Variants in TTN observed in about 807,000 individuals in gnomAD.
The protein encoded by TTN is connectin.
Under a neutral mutation model 3,223.0 loss-of-function variants are expected in TTN, and 1,525 were observed. That is an observed-to-expected ratio of 0.47 (90% CI 0.45 to 0.49). The LOEUF (loss-of-function observed/expected upper bound fraction) is 0.49, where lower values mean the gene tolerates loss of function less well. Among genes scored for constraint, TTN ranks in the 20% least tolerant of loss-of-function variants. TTN has a pLI of 0.00. For missense variants in TTN, 40,786 were observed against 43,424.0 expected, an observed-to-expected ratio of 0.94 and a Z score of 5.40; for synonymous variants, 14,094 against 15,161.0, an observed-to-expected ratio of 0.93 and a Z score of 5.17.
At position 178,630,256 on chromosome 2, in the gene TTN, G is replaced by T; in HGVS notation, c.44266C>A (p.His14756Asn). The part of the protein sequence containing the change: ...FQAANVKSSA[H>N]LRVKPRVIGL... ...CAATACTTACGCTTAACTCGGAGGTGGGCACTAGATTTAACATTGGCAGCT... is the reference window on the plus strand; with the variant it reads ...CAATACTTACGCTTAACTCGGAGGTTGGCACTAGATTTAACATTGGCAGCT... The change falls in exon 239 of 363, where the codon CAC (histidine) becomes AAC (asparagine). Residue 14756 changes from histidine to asparagine, a missense_variant. Coordinates refer to ENST00000589042, the MANE Select transcript of TTN (RefSeq NM_001267550.2). 6.2e-7 allele frequency: 1 copy of T among 1,612,978 alleles called. No individual in the cohort carries two copies. Among genetic ancestry groups the T allele is most frequent in the East Asian group, 2.2e-5 (1 of 44,756 alleles).
Position 178,561,858 on chromosome 2 carries a change from C to T in TTN, c.84274G>A (p.Val28092Ile). Reference sequence around the variant, plus strand: ...GTAGAGGTGGTTTCTTTCTTTTCAACAATGTAATTGCTAATTTGGCAGCCA... The same window carrying T: ...GTAGAGGTGGTTTCTTTCTTTTCAATAATGTAATTGCTAATTTGGCAGCCA... ...DGGCQISNYI[V>I]EKKETTSTTW... Residue 28092 changes from valine (V) to isoleucine (I), a missense_variant, in exon 326 of 363, where the codon GTT (valine) becomes ATT (isoleucine). Val to Ile is a conservative substitution (Grantham distance 29). Transcript: ENST00000589042. 6.2e-7 allele frequency: 1 copy of T among 1,613,618 alleles called. No individual in the cohort carries two copies. The highest frequency in any genetic ancestry group is 1.1e-5 in the South Asian group (1 of 91,074).
rs937165329 is a variant in TTN, at chr2:178,563,454, C to T, written c.82678G>A (p.Val27560Ile). 3 of 1,613,520 alleles carry T rather than the reference C, an allele frequency of 1.9e-6. No individual in the cohort carries two copies. The African/African-American group carries it at 4.0e-5, about 22-fold the overall frequency. ...AAGGCATCACACGCACGGTAGAAAA[C>T]AGATGGCTCACTAGGTTCTCCCACA... ...AGVGEPSEPSVFYRACDALYP... is the reference protein window; with the variant it reads ...AGVGEPSEPSIFYRACDALYP... The change falls in exon 326 of 363, where the codon GTT (valine) becomes ATT (isoleucine). Residue 27560 changes from valine to isoleucine, a missense_variant. Val to Ile is a conservative substitution (Grantham distance 29). Transcript: ENST00000589042. The surrounding 1 kb of genome is among the most constrained non-coding windows in gnomAD (Gnocchi z 4.5).
chr2:178,802,161 C>G lies in TTN; in HGVS notation c.272G>C (p.Ser91Thr). Residue 91 changes from serine to threonine, a missense_variant, in exon 3 of 363, where the codon AGT becomes ACT. By Grantham distance (58) the Ser-to-Thr change is moderately conservative (BLOSUM62 1). Transcript: ENST00000589042. The part of the protein sequence containing the change: ...KATNGSGQAT[S>T]TAELLVKAET... ...ACCTTTCACGAGAAGCTCAGCAGTA[C>G]TAGTCGCTTGTCCAGATCCATTGGT... The G allele has an allele frequency of 1.9e-6, 3 of 1,614,096 alleles. No homozygotes were observed. Among genetic ancestry groups the G allele is most frequent in the African/African-American group, 2.7e-5 (2 of 75,022 alleles).
In TTN at chr2:178,709,570, G is replaced by C. The variant is rs1219437440; in HGVS notation, c.28749C>G (p.Ile9583Met). 1 of 1,602,878 alleles carries C rather than the reference G, an allele frequency of 6.2e-7. No individual in the cohort carries two copies. The highest frequency in any genetic ancestry group is 8.5e-7 in the Non-Finnish European group (1 of 1,170,766). The stretch of plus-strand genomic sequence containing the variant: ...GGGGCTGTGAGGATAACTCACCTTT[G>C]ATGACGATTGAAGACGTGCACAGAG... ...GSALCTSSIV[I>M]KEPKKPPVFD... Residue 9583 changes from isoleucine (I) to methionine (M), a missense_variant, in exon 99 of 363, where the codon ATC (isoleucine) becomes ATG (methionine). Coordinates refer to ENST00000589042, the MANE Select transcript of TTN (RefSeq NM_001267550.2).
In TTN at chr2:178,565,068, T is replaced by A. The variant is rs1300719921; in HGVS notation, c.81064A>T (p.Met27022Leu). 6.2e-7 allele frequency: 1 copy of A among 1,613,684 alleles called. No individual in the cohort carries two copies. Among genetic ancestry groups the A allele is most frequent in the Non-Finnish European group, 8.5e-7 (1 of 1,179,682 alleles). ...GTTCTTGCAACTGTTGCTGATACCA[T>A]GTGCCAAGTGGTGGTGGTTGTATCT... Reference protein sequence around the residue: ...KRDTTTTTWHMVSATVARTTI... With the variant: ...KRDTTTTTWHLVSATVARTTI... The change falls in exon 326 of 363, where the codon ATG becomes TTG. Residue 27022 changes from methionine (M) to leucine (L), a missense_variant. Coordinates refer to ENST00000589042, the MANE Select transcript of TTN (RefSeq NM_001267550.2).
At chr2:178,778,744 G>T (rs1341755946) in intron 24 of TTN, 130 bp downstream of exon 24, 2 of 1,280,252 alleles carry the variant, frequency 1.6e-6, no homozygotes, top group Non-Finnish European at 2.2e-6. Flanking sequence ...GCAATTGTTG[G>T]TGTTGCCAAT....
chr2:178,712,368 T>C lies in TTN; in HGVS notation c.27554A>G (p.Tyr9185Cys), dbSNP rs1477423741. 6.2e-7 allele frequency: 1 copy of C among 1,613,842 alleles called. No individual in the cohort carries two copies. The highest frequency in any genetic ancestry group is 8.5e-7 in the Non-Finnish European group (1 of 1,179,800). Residue 9185 changes from tyrosine to cysteine, a missense_variant, in exon 95 of 363, where the codon TAC becomes TGC. Physicochemically the swap from Tyr to Cys is radical, Grantham distance 194 (BLOSUM62 -2). Transcript: ENST00000589042. The stretch of plus-strand genomic sequence containing the variant: ...ATCTTTTCCAGAGGCATTTTCAATG[T>C]AGCAGTTGTATTGTCCTGCATCCTC... The part of the protein sequence containing the change: ...TVEDAGQYNC[Y>C]IENASGKDSC...
In TTN at chr2:178,574,131, C is replaced by A; in HGVS notation, c.72001G>T (p.Ala24001Ser). ...CTGATGGCACCTGCAGCATTTTTGGCGATCACACGGAATTCATATGCAGCA... is the reference window on the plus strand; with the variant it reads ...CTGATGGCACCTGCAGCATTTTTGGAGATCACACGGAATTCATATGCAGCA... Reference protein sequence around the residue: ...EDAAYEFRVIAKNAAGAISPP... With the variant: ...EDAAYEFRVISKNAAGAISPP... The change falls in exon 326 of 363, where the codon GCC becomes TCC. Residue 24001 changes from alanine to serine, a missense_variant. Coordinates refer to ENST00000589042, the MANE Select transcript of TTN (RefSeq NM_001267550.2). 1 of 1,613,506 alleles carries A rather than the reference C, an allele frequency of 6.2e-7. No homozygotes were observed. The highest frequency in any genetic ancestry group is 8.5e-7 in the Non-Finnish European group (1 of 1,179,608).
intron 165 of TTN, 81 bp from the exon 166 acceptor site, chr2:178,665,007 A>G: frequency 6.9e-7 from 1 of 1,452,426 alleles, no homozygotes; most frequent in Non-Finnish European, 9.4e-7. Flanking sequence ...AGGAAATATA[A>G]CCACATTTTC....
chr2:178,721,054 G>A lies in TTN; in HGVS notation c.22965C>T (p.Tyr7655=), dbSNP rs771515112. The A allele has an allele frequency of 1.2e-6, 2 of 1,613,326 alleles. No homozygotes were observed. Among genetic ancestry groups the A allele is most frequent in the Non-Finnish European group, 1.7e-6 (2 of 1,179,402 alleles). ...NDSELHESWK[Y]NMSFINSVAL... is the part of the protein sequence containing the mutation. ...CCACAGAATTAATGAATGACATGTT[G>A]TATTTCCAACTTTCATGAAGTTCGC... The change falls in exon 79 of 363, where the codon TAC becomes TAT. Residue 7655 remains tyrosine, a synonymous_variant. Transcript: ENST00000589042.
At chr2:178,669,042 A>G (rs187361009) in intron 159 of TTN, among the ~76,000 whole-genome samples, 14 of 152,278 alleles carry the variant, frequency 9.2e-5, no homozygotes, top group African/African-American at 1.7e-4. Context: ...TTAAAATATT[A>G]TGGAGTTAAG....
rs2154291585 is a variant in TTN at position 178,705,189 on chromosome 2, T to C, written c.29589A>G (p.Glu9863=). The C allele has an allele frequency of 6.2e-7, 1 of 1,613,304 alleles. No homozygotes were observed. Among genetic ancestry groups the C allele is most frequent in the Non-Finnish European group, 8.5e-7 (1 of 1,179,572 alleles). ...AGGAGCATACCAGTCTATGTGTCTC[T>C]TCTTCTTGGCTTTGCTTGAGCAGTT... The part of the protein sequence containing the change: ...AFELLKQSQE[E]ETHRLEIEEI... The change falls in exon 103 of 363, where the codon GAA becomes GAG. Residue 9863 remains glutamate (E), a synonymous_variant. Coordinates refer to ENST00000589042, the MANE Select transcript of TTN (RefSeq NM_001267550.2).
In TTN at chr2:178,588,638, G is replaced by A. The variant is rs753066420; in HGVS notation, c.63087C>T (p.Leu21029=). ...CACGGAACTGATATTCATGGTCTGG[G>A]AGGAGATTCTGTACTTTCATACGTC... is the stretch of plus-strand genomic sequence containing the variant. The part of the protein sequence containing the change: ...PERRMKVQNL[L]PDHEYQFRVK... The change falls in exon 304 of 363, where the codon CTC becomes CTT. Residue 21029 remains leucine, a synonymous_variant. Coordinates refer to ENST00000589042, the MANE Select transcript of TTN (RefSeq NM_001267550.2). 45 of 1,606,570 alleles carry A rather than the reference G, an allele frequency of 2.8e-5. No individual in the cohort carries two copies. The highest frequency in any genetic ancestry group is 3.8e-5 in the Non-Finnish European group (45 of 1,176,882).
At position 178,611,266 on chromosome 2, in the gene TTN, G is replaced by T. The variant is rs757101775; in HGVS notation, c.50863C>A (p.Pro16955Thr). 1.2e-6 allele frequency: 2 copies of T among 1,611,872 alleles called. No homozygotes were observed. The highest frequency in any genetic ancestry group is 1.1e-5 in the South Asian group (1 of 90,826). The change falls in exon 270 of 363, where the codon CCA becomes ACA. Residue 16955 changes from proline to threonine, a missense_variant. By Grantham distance (38) the Pro-to-Thr change is conservative. Coordinates refer to ENST00000589042, the MANE Select transcript of TTN (RefSeq NM_001267550.2). ...TCATGAGTCTCCAGGTCAATTGTTG[G>T]CTTGCCTGTAAGATATCATTCAAAA... ...NVVAKDPDCK[P>T]TIDLETHDII...
chr2:178,770,240 C>A lies in TTN; in HGVS notation c.8461G>T (p.Asp2821Tyr). The A allele has an allele frequency of 6.2e-7, 1 of 1,614,120 alleles. No homozygotes were observed. Among genetic ancestry groups the A allele is most frequent in the Non-Finnish European group, 8.5e-7 (1 of 1,180,016 alleles). The change falls in exon 36 of 363, where the codon GAC (aspartate) becomes TAC (tyrosine). Residue 2821 changes from aspartate (D) to tyrosine (Y), a missense_variant. By Grantham distance (160) the Asp-to-Tyr change is radical. Transcript: ENST00000589042. The stretch of plus-strand genomic sequence containing the variant: ...TGGAACCATTTTACTGGAACAGTGT[C>A]ATGGGAAACACTAACTTCAAAGGCA... ...TVAFEVSVSH[D>Y]TVPVKWFHKS...
At chr2:178,628,896 C>T (rs2059419672) in intron 240 of TTN, 1 of 163,364 alleles carries the variant, frequency 6.1e-6, no homozygotes, top group Admixed American at 6.4e-5. Flanking sequence ...CTCTTAATCC[C>T]CTTATATGCA....
At position 178,557,706 on chromosome 2, in the gene TTN, G is replaced by T; in HGVS notation, c.87648C>A (p.Asn29216Lys). ...CTATATGATCACTGATGCCAAAGCG[G>T]TTTTCTGCCTTGATGCGGAATTGGT... Reference protein sequence around the residue: ...EEYQFRIKAENRFGISDHIDS... With the variant: ...EEYQFRIKAEKRFGISDHIDS... Residue 29216 changes from asparagine (N) to lysine (K), a missense_variant, in exon 328 of 363, where the codon AAC becomes AAA. Coordinates refer to ENST00000589042, the MANE Select transcript of TTN (RefSeq NM_001267550.2). 1 of 1,613,944 alleles carries T rather than the reference G, an allele frequency of 6.2e-7. No homozygotes were observed. Among genetic ancestry groups the T allele is most frequent in the Non-Finnish European group, 8.5e-7 (1 of 1,179,846 alleles).
At chr2:178,742,008 G>T in intron 47 of TTN, 87 bp from the exon 48 acceptor site, 1 of 968,946 alleles carries the variant, frequency 1.0e-6, no homozygotes, top group Non-Finnish European at 1.4e-6. Flanking sequence ...CCAGTTGATG[G>T]CCTTCTTCTG....
At position 178,750,266 on chromosome 2, in the gene TTN, T is replaced by G. The variant is rs777103487; in HGVS notation, c.11311+2858A>C. The G allele has an allele frequency of 9.9e-6, 16 of 1,613,316 alleles. No homozygotes were observed. In the South Asian group the frequency reaches 1.2e-4, roughly 12 times the overall value. ...CAAGTAGTCATGGAACACTGGGACT[T>G]TATGTGCTTTGACATCATGTTTTTG... On this transcript the variant is annotated intron_variant, in intron 47 of 362. Transcript: ENST00000589042.
Sources: gnomAD v4.1 joint callset for allele counts (sites outside exome capture counted in the v4.1 genomes callset) on GRCh38, gnomAD v4.1.1 for gene constraint, Gnocchi (gnomAD v3.1) non-coding constraint, MANE v1.5 for transcripts, NCBI Gene and HGNC (gene_info 2026-07-23, HGNC 2026-07-21) for gene names.